The following C7orf78 variants were observed in gnomAD, a reference collection of about 807,000 sequenced individuals.
C7orf78 encodes chromosome 7 open reading frame 78.
the C7orf78 span, among the ~76,000 whole-genome samples, chr7:12,495,793 T>C: frequency 6.6e-6 from 1 of 152,206 alleles, no homozygotes; most frequent in Non-Finnish European, 1.5e-5. Flanking sequence ...TATACAAACA[T>C]ATGTAATTCA....
At chr7:12,498,455 G>C in the C7orf78 span, among the ~76,000 whole-genome samples, 54,689 of 150,512 alleles carry the variant, frequency 0.36, 10,323 homozygotes, top group African/African-American at 0.45. Context: ...CTCAGGAGCC[G>C]ATGCGATCAA....
chr7:12,505,628 T>G, the C7orf78 span, among the ~76,000 whole-genome samples: 4 of 152,172 alleles, frequency 2.6e-5, no homozygotes, highest in Non-Finnish European at 4.4e-5. Flanking sequence ...GGACAACCTA[T>G]AGGTTTTATA....
the C7orf78 span, among the ~76,000 whole-genome samples, chr7:12,486,127 G>T: frequency 6.6e-6 from 1 of 151,976 alleles, no homozygotes. Flanking sequence ...AAATTAAAGT[G>T]GCCTATACAA....
chr7:12,496,851 T>C, the C7orf78 span, among the ~76,000 whole-genome samples: 19 of 152,184 alleles, frequency 1.2e-4, no homozygotes, highest in Admixed American at 1.2e-3. Context: ...TTTCCAAAAC[T>C]ATAAGAGATT....
At chr7:12,520,214 C>T in the C7orf78 span, among the ~76,000 whole-genome samples, 5 of 152,142 alleles carry the variant, frequency 3.3e-5, no homozygotes, top group African/African-American at 9.7e-5. Flanking sequence ...TTTTGGACTC[C>T]GGTGTTCTCT....
chr7:12,486,930 TA>T, the C7orf78 span: 1 of 129,952 alleles, frequency 7.7e-6, no homozygotes, highest in South Asian at 2.6e-4. Flanking sequence ...CCATAATTTT[TA>T]TAATTTAATT....
At chr7:12,506,905 G>A in the C7orf78 span, 695 of 480,450 alleles carry the variant, frequency 1.4e-3, 1 homozygote, top group Non-Finnish European at 2.3e-3. Flanking sequence ...CATGTTTTTG[G>A]TTGGTGAAGG....
chr7:12,535,677 C>T, the C7orf78 span, among the ~76,000 whole-genome samples: 1 of 152,292 alleles, frequency 6.6e-6, no homozygotes, highest in African/African-American at 2.4e-5. Context: ...AAAGCAAGTC[C>T]CTTCTGCCTA....
chr7:12,540,480 A>C, the C7orf78 span, among the ~76,000 whole-genome samples: 2 of 152,060 alleles, frequency 1.3e-5, no homozygotes, highest in South Asian at 4.1e-4. Context: ...TCTTCAGACT[A>C]TGCAGTGTTT....
the C7orf78 span, among the ~76,000 whole-genome samples, chr7:12,516,204 C>G: frequency 2.6e-5 from 4 of 152,162 alleles, no homozygotes; most frequent in Non-Finnish European, 5.9e-5. Context: ...GCCCTATGTC[C>G]CAGATGCTCC....
chr7:12,502,522 A>G, the C7orf78 span, among the ~76,000 whole-genome samples: 3 of 150,204 alleles, frequency 2.0e-5, no homozygotes, highest in African/African-American at 4.9e-5. Flanking sequence ...GCAAATCAAA[A>G]CCACAATGAG....
the C7orf78 span, among the ~76,000 whole-genome samples, chr7:12,536,350 C>G: frequency 6.6e-6 from 1 of 152,222 alleles, no homozygotes; most frequent in African/African-American, 2.4e-5. Context: ...ATAGCCTGAG[C>G]TCTACGTTGG....
At chr7:12,509,052 C>T in the C7orf78 span, among the ~76,000 whole-genome samples, 1 of 152,170 alleles carries the variant, frequency 6.6e-6, no homozygotes, top group Non-Finnish European at 1.5e-5. Flanking sequence ...AAACCATCTC[C>T]CCATCCTTCC....
chr7:12,489,028 A>G, the C7orf78 span, among the ~76,000 whole-genome samples: 5 of 151,844 alleles, frequency 3.3e-5, no homozygotes, highest in Admixed American at 2.6e-4. Context: ...GAAAAGGAAT[A>G]CCCAAATGCT....
chr7:12,520,006 C>T, the C7orf78 span, among the ~76,000 whole-genome samples: 1 of 152,132 alleles, frequency 6.6e-6, no homozygotes. Context: ...AGATGAACAC[C>T]CACACTAGTC....
chr7:12,516,287 G>T, the C7orf78 span, among the ~76,000 whole-genome samples: 1 of 152,244 alleles, frequency 6.6e-6, no homozygotes, highest in African/African-American at 2.4e-5. Flanking sequence ...AGCCTTGGCA[G>T]CTTTCATATG....
At chr7:12,522,560 C>T in the C7orf78 span, among the ~76,000 whole-genome samples, 1 of 152,120 alleles carries the variant, frequency 6.6e-6, no homozygotes, top group Non-Finnish European at 1.5e-5. Context: ...TTTCTACTTA[C>T]CTCTCAAGAT....
chr7:12,528,657 A>G, the C7orf78 span, among the ~76,000 whole-genome samples: 1 of 152,244 alleles, frequency 6.6e-6, no homozygotes, highest in Non-Finnish European at 1.5e-5. Flanking sequence ...CACAGGAGAC[A>G]CTTTAGAACG....
chr7:12,493,893 C>T, the C7orf78 span, among the ~76,000 whole-genome samples: 13 of 152,174 alleles, frequency 8.5e-5, no homozygotes, highest in African/African-American at 2.4e-4. Flanking sequence ...CAGGAAGGCA[C>T]GAAGATTATT....
Sources: allele counts gnomAD v4.1 joint callset (sites outside exome capture counted in the v4.1 genomes callset), GRCh38; gene constraint gnomAD v4.1.1; transcripts MANE v1.5; gene names NCBI Gene and HGNC (gene_info 2026-07-23, HGNC 2026-07-21).